TBL1XR1: variants seen among roughly 807,000 people sequenced by gnomAD.
TBL1XR1 encodes F-box-like/WD repeat-containing protein TBL1XR1.
A neutral mutation model predicts 66.9 loss-of-function variants in TBL1XR1; 5 were observed. The ratio of observed to expected loss-of-function variants is 0.07; its 90% CI spans 0.04 to 0.16. TBL1XR1 has a LOEUF of 0.16. TBL1XR1 is among the 10% of genes least tolerant of loss of function. The pLI, the probability that TBL1XR1 is intolerant of heterozygous loss-of-function variation, is 1.00. For synonymous variants in TBL1XR1, 210 were observed against 206.0 expected, an observed-to-expected ratio of 1.02 and a Z score of -0.17; for missense variants, 238 against 623.2, an observed-to-expected ratio of 0.38 and a Z score of 6.58.
intron 1 of TBL1XR1, among the ~76,000 whole-genome samples, chr3:177,142,999 T>C (rs1221682339): frequency 6.6e-6 from 1 of 151,844 alleles, no homozygotes; most frequent in African/African-American, 2.4e-5. Flanking sequence ...GCCACGTTTT[T>C]GCATGTTTGT....
Position 177,113,611 on chromosome 3 carries a change from G to A in TBL1XR1, c.-121-15070C>T, listed in dbSNP as rs562696957. On this transcript the variant is annotated intron_variant, in intron 1 of 15. Transcript: ENST00000457928. Reference sequence around the variant, plus strand: ...TTTAGAAGGTGAAGGCTGGAGAATCGCTTTAGGCCAGGAGTTTGTGACTAG... The same window carrying A: ...TTTAGAAGGTGAAGGCTGGAGAATCACTTTAGGCCAGGAGTTTGTGACTAG... Among the ~76,000 whole-genome samples the A allele has an allele frequency of 2.0e-5, 3 of 152,256 alleles. No individual in the cohort carries two copies. The South Asian group carries it at 6.2e-4, about 32-fold the overall frequency.
At chr3:177,069,856 A>G (rs974867441) in intron 2 of TBL1XR1, among the ~76,000 whole-genome samples, 17 of 115,174 alleles carry the variant, frequency 1.5e-4, no homozygotes, top group South Asian at 3.3e-4. Context: ...AAGGAAGGAA[A>G]AACAACACAC....
At chr3:177,145,097 C>T (rs577160544) in intron 1 of TBL1XR1, among the ~76,000 whole-genome samples, 6 of 152,120 alleles carry the variant, frequency 3.9e-5, no homozygotes, top group Admixed American at 6.5e-5. Context: ...GCAAGCTTAA[C>T]GAACAGGAAC....
chr3:177,116,568 T>C (rs1050787192), intron 1 of TBL1XR1, among the ~76,000 whole-genome samples: 3 of 152,192 alleles, frequency 2.0e-5, no homozygotes, highest in Non-Finnish European at 4.4e-5. Flanking sequence ...CTAGAAGGTA[T>C]GTATCTTGAA....
intron 2 of TBL1XR1, among the ~76,000 whole-genome samples, chr3:177,067,706 T>C (rs1719352362): frequency 6.6e-6 from 1 of 152,168 alleles, no homozygotes; most frequent in South Asian, 2.1e-4. Context: ...ATTAAGTTTT[T>C]TTTTTAAAGG....
At chr3:177,198,137 C>A (rs1020101675), upstream of TBL1XR1, among the ~76,000 whole-genome samples, 3 of 152,116 alleles carry the variant, frequency 2.0e-5, no homozygotes, top group Admixed American at 2.0e-4. Context: ...TATGGTTCTC[C>A]GAAGCGTACC....
intron 3 of TBL1XR1, among the ~76,000 whole-genome samples, chr3:177,064,314 C>T (rs1361152997): frequency 6.6e-6 from 1 of 152,166 alleles, no homozygotes; most frequent in African/African-American, 2.4e-5. Flanking sequence ...CCCTCTTCTA[C>T]TTTTAAATTT....
At chr3:177,167,659 A>C (rs1295772021) in intron 1 of TBL1XR1, among the ~76,000 whole-genome samples, 1 of 152,228 alleles carries the variant, frequency 6.6e-6, no homozygotes, top group East Asian at 1.9e-4. Flanking sequence ...GGCTGGGCGC[A>C]GTGGTTCATG....
At chr3:177,148,364 T>G (rs929588521) in intron 1 of TBL1XR1, among the ~76,000 whole-genome samples, 2 of 152,232 alleles carry the variant, frequency 1.3e-5, no homozygotes, top group African/African-American at 4.8e-5. Flanking sequence ...AACTAGAAAT[T>G]AGAATTTAAA....
At chr3:177,121,564 T>A (rs1048011887) in intron 1 of TBL1XR1, among the ~76,000 whole-genome samples, 7 of 152,190 alleles carry the variant, frequency 4.6e-5, no homozygotes, top group African/African-American at 7.2e-5. Context: ...TTCATGCAGA[T>A]TATAAATTAC....
chr3:177,102,453 C>T (rs1302578429), intron 1 of TBL1XR1, among the ~76,000 whole-genome samples: 1 of 152,176 alleles, frequency 6.6e-6, no homozygotes, highest in African/African-American at 2.4e-5. Context: ...TCATGCAATG[C>T]ATTTATAAAG....
chr3:177,184,323 A>G (rs774550807), intron 1 of TBL1XR1, among the ~76,000 whole-genome samples: 3 of 152,164 alleles, frequency 2.0e-5, no homozygotes, highest in Non-Finnish European at 4.4e-5. Flanking sequence ...CACAAATCCC[A>G]TTGTGCCAAA....
chr3:177,139,759 G>C (rs1263116143), intron 1 of TBL1XR1, among the ~76,000 whole-genome samples: 1 of 151,984 alleles, frequency 6.6e-6, no homozygotes, highest in Non-Finnish European at 1.5e-5. Context: ...AACAGAGAGA[G>C]ATGGAAGGGG....
intron 3 of TBL1XR1, among the ~76,000 whole-genome samples, 155 bp from the exon 4 acceptor site, chr3:177,054,073 T>TGTGTGTGTGTGTGTGC (rs145838308): frequency 8.0e-6 from 1 of 124,816 alleles, no homozygotes; most frequent in African/African-American, 2.9e-5. Context: ...TGTGTGTGTG[T>TGTGTGTGTGTGTGTGC]GCGCGCGCGT....
chr3:177,158,030 C>T (rs1243290519), intron 1 of TBL1XR1, among the ~76,000 whole-genome samples: 2 of 151,916 alleles, frequency 1.3e-5, no homozygotes, highest in Admixed American at 6.6e-5. Context: ...AATAGGTTTG[C>T]TCATAGGTAG....
At chr3:177,066,761 C>A (rs1247309481) in intron 2 of TBL1XR1, among the ~76,000 whole-genome samples, 1 of 152,064 alleles carries the variant, frequency 6.6e-6, no homozygotes, top group African/African-American at 2.4e-5. Context: ...TGACTGGATG[C>A]ATAGTTGAGG....
At chr3:177,188,325 G>C (rs1486750999) in intron 1 of TBL1XR1, among the ~76,000 whole-genome samples, 4 of 152,096 alleles carry the variant, frequency 2.6e-5, no homozygotes, top group Non-Finnish European at 5.9e-5. Flanking sequence ...AAGGTGGGCA[G>C]ATCACCTGAG....
rs1040306435 is a variant in TBL1XR1 at position 177,037,641 on chromosome 3, T to C, written c.1122+457A>G. On this transcript the variant is annotated intron_variant, in intron 12 of 15. Transcript: ENST00000457928. ...TGCTCTTGGACTGGGACTTACACCA[T>C]TGGCACTCCTTCTCTGGCCCTGGAA... 2.8e-4 allele frequency: 44 copies of C among 157,372 alleles called. 1 individual carries two copies. The highest frequency in any genetic ancestry group is 5.6e-4 in the South Asian group (3 of 5,312). 9.7% of individuals were successfully genotyped at this position (157,372 alleles called of 1,614,324 possible). A position where few individuals can be genotyped will look rare whatever the true frequency, so the allele number is the denominator to read the frequency against.
intron 1 of TBL1XR1, among the ~76,000 whole-genome samples, chr3:177,196,764 G>A (rs1736911965): frequency 6.6e-6 from 1 of 151,884 alleles, no homozygotes; most frequent in Admixed American, 6.6e-5. Context: ...GCACAAAAAG[G>A]GGGTGTAAAT....
Sources: allele counts gnomAD v4.1 joint callset (sites outside exome capture counted in the v4.1 genomes callset), GRCh38; gene constraint gnomAD v4.1.1; transcripts MANE v1.5; gene names NCBI Gene and HGNC (gene_info 2026-07-23, HGNC 2026-07-21).